The following NELL1 variants were observed in gnomAD, a reference collection of about 807,000 sequenced individuals.
NELL1 encodes the protein neural EGFL like 1.
In NELL1, 76 loss-of-function variants were observed where a neutral mutation model predicts 107.4. The observed-to-expected ratio is 0.71, with a 90% CI of 0.59 to 0.86. NELL1 has a LOEUF of 0.86. Ranked by LOEUF, NELL1 falls within the 40% of genes least tolerant of loss-of-function variation. The pLI is 0.00. For missense variants in NELL1, 1,024 were observed against 1,005.5 expected (o/e 1.02, Z -0.25); for synonymous variants, 353 against 341.2 (o/e 1.03, Z -0.38).
intron 18 of NELL1, among the ~76,000 whole-genome samples, chr11:21,571,435 A>G (rs1857098450): frequency 6.6e-6 from 1 of 151,886 alleles, no homozygotes; most frequent in African/African-American, 2.4e-5. Flanking sequence ...CATTTTACTG[A>G]CTATTCTGGC....
intron 12 of NELL1, among the ~76,000 whole-genome samples, chr11:20,987,440 G>A (rs1170101098): frequency 6.6e-6 from 1 of 152,194 alleles, no homozygotes; most frequent in Admixed American, 6.6e-5. Context: ...TTGACTCATA[G>A]TTCTGCACGG....
intron 13 of NELL1, among the ~76,000 whole-genome samples, chr11:21,157,177 G>T (rs1351263722): frequency 6.6e-6 from 1 of 151,768 alleles, no homozygotes; most frequent in Non-Finnish European, 1.5e-5. Context: ...GTGTGTGTGT[G>T]TGTGTGTACA....
At chr11:21,121,072 G>A (rs1342225535) in intron 13 of NELL1, among the ~76,000 whole-genome samples, 1 of 152,096 alleles carries the variant, frequency 6.6e-6, no homozygotes, top group Non-Finnish European at 1.5e-5. Flanking sequence ...ATTTTTGGCT[G>A]TTCTGGGGTT....
chr11:20,925,278 G>T (rs889582860), intron 7 of NELL1, among the ~76,000 whole-genome samples: 1 of 151,698 alleles, frequency 6.6e-6, no homozygotes, highest in Non-Finnish European at 1.5e-5. Flanking sequence ...GAGTTTTGTT[G>T]TATTAATTTA....
intron 11 of NELL1, among the ~76,000 whole-genome samples, chr11:20,952,558 C>A (rs1024589952): frequency 6.6e-6 from 1 of 152,118 alleles, no homozygotes; most frequent in Admixed American, 6.5e-5. Flanking sequence ...TAAACTAGTG[C>A]CTAAATAGAG....
intron 17 of NELL1, among the ~76,000 whole-genome samples, chr11:21,562,460 G>C (rs746957026): frequency 5.3e-5 from 8 of 151,962 alleles, no homozygotes; most frequent in Non-Finnish European, 1.0e-4. Context: ...CCCATTTATA[G>C]CACAGTTTCC....
chr11:20,950,007 A>T lies in NELL1; in HGVS notation c.1171+2572A>T, dbSNP rs539164648. Among the ~76,000 whole-genome samples, 4 of 152,328 alleles carry T rather than the reference A, an allele frequency of 2.6e-5. No homozygotes were observed. The South Asian group carries it at 8.3e-4, about 32-fold the overall frequency. On this transcript the variant is annotated intron_variant, in intron 11 of 19. Coordinates refer to ENST00000357134, the MANE Select transcript of NELL1 (RefSeq NM_006157.5). ...CTCTTTGACTGCTCTACATTTGGACAGGAACTAGAGCATGTCTTCAGAAAA... is the reference window on the plus strand; with the variant it reads ...CTCTTTGACTGCTCTACATTTGGACTGGAACTAGAGCATGTCTTCAGAAAA...
At chr11:20,943,853 T>G (rs4922684) in intron 10 of NELL1, among the ~76,000 whole-genome samples, 2 of 152,010 alleles carry the variant, frequency 1.3e-5, no homozygotes, top group African/African-American at 2.4e-5. Flanking sequence ...AGAAGGATTG[T>G]TTGATCATTT....
chr11:21,281,329 C>T (rs1791873), intron 14 of NELL1, among the ~76,000 whole-genome samples: 98,289 of 151,574 alleles, frequency 0.65, 32,312 homozygotes, highest in African/African-American at 0.73. Flanking sequence ...CCTGTGGAAA[C>T]GGGAGGGAAG....
intron 14 of NELL1, among the ~76,000 whole-genome samples, chr11:21,318,778 G>T (rs1403875146): frequency 5.3e-5 from 8 of 151,420 alleles, no homozygotes; most frequent in African/African-American, 1.7e-4. Flanking sequence ...TTTTCTTTCT[G>T]TTGTGTTCCT....
chr11:21,266,537 C>T (rs1157560058), intron 14 of NELL1, among the ~76,000 whole-genome samples: 2 of 152,070 alleles, frequency 1.3e-5, no homozygotes, highest in Non-Finnish European at 1.5e-5. Context: ...GATTTTGACA[C>T]GTTGACCCTT....
At chr11:20,863,973 C>T (rs561160607) in intron 4 of NELL1, among the ~76,000 whole-genome samples, 2 of 152,134 alleles carry the variant, frequency 1.3e-5, no homozygotes, top group African/African-American at 4.8e-5. Flanking sequence ...TCAGGCGTGG[C>T]GGCGCGCGCC....
At chr11:21,049,719 C>G (rs1590584149) in intron 12 of NELL1, among the ~76,000 whole-genome samples, 1 of 151,940 alleles carries the variant, frequency 6.6e-6, no homozygotes, top group Non-Finnish European at 1.5e-5. Context: ...TCTCTGTCAC[C>G]CAGGCTGGAG....
chr11:20,860,521 T>C (rs1848959832), intron 4 of NELL1, among the ~76,000 whole-genome samples: 1 of 152,202 alleles, frequency 6.6e-6, no homozygotes, highest in Non-Finnish European at 1.5e-5. Flanking sequence ...TCATTTCTAC[T>C]CAGTCCACCT....
At chr11:21,093,200 G>C (rs934535927) in intron 12 of NELL1, among the ~76,000 whole-genome samples, 13 of 152,174 alleles carry the variant, frequency 8.5e-5, no homozygotes, top group African/African-American at 3.1e-4. Flanking sequence ...CAGCTTTCAT[G>C]AGCCTGTGTG....
At chr11:21,326,801 T>C (rs138148011) in intron 14 of NELL1, among the ~76,000 whole-genome samples, 1 of 152,224 alleles carries the variant, frequency 6.6e-6, no homozygotes, top group East Asian at 1.9e-4. Context: ...CTTTGTCTTC[T>C]GGCTTTGAAA....
At chr11:21,152,004 A>G (rs1398020750) in intron 13 of NELL1, among the ~76,000 whole-genome samples, 1 of 152,204 alleles carries the variant, frequency 6.6e-6, no homozygotes, top group Non-Finnish European at 1.5e-5. Flanking sequence ...GACAATATAG[A>G]GGTAAGTATG....
chr11:21,099,821 G>A (rs901120561), intron 12 of NELL1, among the ~76,000 whole-genome samples: 1 of 152,030 alleles, frequency 6.6e-6, no homozygotes, highest in Admixed American at 6.6e-5. Flanking sequence ...GGGCATGCCT[G>A]TTTTCTTGTC....
In NELL1 at chr11:20,675,618, G is replaced by A. The variant is rs376840165; in HGVS notation, c.56-2314G>A. Among the ~76,000 whole-genome samples the A allele has an allele frequency of 5.3e-5, 8 of 152,186 alleles. No homozygotes were observed. The East Asian group carries it at 7.7e-4, about 15-fold the overall frequency. ...CTGGCCAGAGAAACACCAACTTGGA[G>A]GTCCCCTGAAATTTAATTTCTGCCC... On this transcript the variant is annotated intron_variant, in intron 1 of 19. Coordinates refer to ENST00000357134, the MANE Select transcript of NELL1 (RefSeq NM_006157.5).
Sources: allele counts gnomAD v4.1 joint callset (sites outside exome capture counted in the v4.1 genomes callset), GRCh38; gene constraint gnomAD v4.1.1; transcripts MANE v1.5; gene names NCBI Gene and HGNC (gene_info 2026-07-23, HGNC 2026-07-21).